The following DGKI variants were observed in gnomAD, a reference collection of about 807,000 sequenced individuals.
DGKI encodes the protein DAG kinase iota.
DGKI carries 55 observed loss-of-function variants against 147.5 expected under a neutral mutation model. The observed-to-expected ratio is 0.37, with a 90% confidence interval of 0.30 to 0.47. DGKI has a LOEUF of 0.47. Among genes scored for constraint, DGKI ranks in the 20% least tolerant of loss-of-function variants. The probability of loss-of-function intolerance (pLI) is 1.00; values close to 1 mark genes in which losing one functional copy is unlikely to be tolerated. For synonymous variants in DGKI, 469 were observed against 477.1 expected (o/e 0.98, Z 0.22); for missense variants, 1,007 against 1,323.8 (o/e 0.76, Z 3.71).
At chr7:137,802,515 A>G (rs1797245036) in intron 1 of DGKI, among the ~76,000 whole-genome samples, 1 of 152,186 alleles carries the variant, frequency 6.6e-6, no homozygotes, top group African/African-American at 2.4e-5. Flanking sequence ...TCTATTTGTG[A>G]CATTATAATT....
chr7:137,538,916 C>T (rs1314536716), intron 20 of DGKI, among the ~76,000 whole-genome samples: 2 of 152,142 alleles, frequency 1.3e-5, no homozygotes, highest in African/African-American at 2.4e-5. Flanking sequence ...CCAGCCTGGA[C>T]TCCAGGCAGC....
intron 1 of DGKI, among the ~76,000 whole-genome samples, chr7:137,707,601 TGCATAGCACC>T (rs1455121503): frequency 1.3e-5 from 2 of 152,142 alleles, no homozygotes; most frequent in African/African-American, 4.8e-5. Context: ...TGTTTAAAAG[TGCATAGCACC>T]TCTCCACCCT....
intron 20 of DGKI, among the ~76,000 whole-genome samples, chr7:137,536,467 C>G (rs78450990): frequency 0.014 from 2,082 of 152,226 alleles, 52 homozygotes; most frequent in African/African-American, 0.047. Flanking sequence ...CCCGGCCCCC[C>G]TGCCCAGTAC....
chr7:137,547,199 G>A (rs1183193117), intron 20 of DGKI, among the ~76,000 whole-genome samples: 1 of 152,142 alleles, frequency 6.6e-6, no homozygotes, highest in Non-Finnish European at 1.5e-5. Flanking sequence ...TACTTTTTGT[G>A]GGGAAGGTAT....
intron 6 of DGKI, among the ~76,000 whole-genome samples, chr7:137,625,491 A>G (rs931083983): frequency 6.6e-6 from 1 of 152,172 alleles, no homozygotes; most frequent in South Asian, 2.1e-4. Flanking sequence ...AATTTAAAAA[A>G]AAATAAAGAA....
chr7:137,655,013 T>C (rs1287924520), intron 4 of DGKI, among the ~76,000 whole-genome samples: 2 of 152,110 alleles, frequency 1.3e-5, no homozygotes, highest in Non-Finnish European at 2.9e-5. Flanking sequence ...TTCTCACAAA[T>C]CAAATCTAAG....
Position 137,465,939 on chromosome 7 carries a change from T to A in DGKI, c.2581A>T (p.Met861Leu), listed in dbSNP as rs1267327289. Residue 861 changes from methionine to leucine, a missense_variant, in exon 26 of 33, where the codon ATG becomes TTG. Physicochemically the swap from Met to Leu is conservative, Grantham distance 15 (BLOSUM62 2). Coordinates refer to ENST00000614521, the MANE Select transcript of DGKI (RefSeq NM_001321708.2). ...VSQPAGTPPG[M>L]PDLVVEQASG... The stretch of plus-strand genomic sequence containing the variant: ...GCTTGTTCCACCACCAGGTCAGGCA[T>A]GCCCGGAGGTGTCCCCGCCGGCTGT... 1.2e-6 allele frequency: 2 copies of A among 1,613,974 alleles called. No homozygotes were observed. Among genetic ancestry groups the A allele is most frequent in the African/African-American group, 2.7e-5 (2 of 74,936 alleles).
rs1374599492 is a variant in DGKI at position 137,381,540 on chromosome 7, A to G, written c.*9680T>C. On this transcript the variant is annotated 3_prime_UTR_variant, in exon 33 of 33. Coordinates refer to ENST00000614521, the MANE Select transcript of DGKI (RefSeq NM_001321708.2). ...CTTTGCGAGTGGAATACCCACAGCC[A>G]AGGGTACCCTGGATGCCTGGGAACG... 6.6e-6 allele frequency: 1 copy of G among 151,616 alleles called. No homozygotes were observed. Among genetic ancestry groups the G allele is most frequent in the Non-Finnish European group, 1.5e-5 (1 of 67,902 alleles). The allele number at this position is 151,616 out of a possible 1,614,324, so 9.4% of individuals were successfully genotyped here. A position where few individuals can be genotyped will look rare whatever the true frequency, so the allele number is the denominator to read the frequency against.
intron 1 of DGKI, among the ~76,000 whole-genome samples, chr7:137,825,672 T>TCA (rs1171484662): frequency 1.4e-4 from 21 of 148,794 alleles, no homozygotes; most frequent in African/African-American, 4.5e-4. Flanking sequence ...ATACACACAC[T>TCA]CACACACACA....
chr7:137,657,862 C>T (rs560034034), intron 3 of DGKI, among the ~76,000 whole-genome samples: 35 of 152,344 alleles, frequency 2.3e-4, no homozygotes, highest in Non-Finnish European at 3.8e-4. Flanking sequence ...AATGCAGCCT[C>T]ATAGGTCTTG....
At chr7:137,638,823 T>C (rs978727839) in intron 6 of DGKI, among the ~76,000 whole-genome samples, 3 of 151,474 alleles carry the variant, frequency 2.0e-5, no homozygotes, top group Non-Finnish European at 4.4e-5. Flanking sequence ...TTCTCAGTTT[T>C]ATATGCCTTA....
intron 28 of DGKI, among the ~76,000 whole-genome samples, chr7:137,425,759 C>G (rs1563011423): frequency 1.3e-5 from 2 of 152,174 alleles, no homozygotes; most frequent in Admixed American, 1.3e-4. Flanking sequence ...AATCCAGAAG[C>G]CTCGGGAGCC....
chr7:137,675,683 CAAA>C lies in DGKI; in HGVS notation c.606+2871_606+2873del, dbSNP rs61282606. Among the ~76,000 whole-genome samples the C allele has an allele frequency of 1.2e-4, 13 of 107,682 alleles. No homozygotes were observed. The South Asian group carries it at 1.4e-3, about 12-fold the overall frequency. 70.6% of individuals were successfully genotyped at this position (107,682 alleles called of 152,430 possible). Reference sequence around the variant, plus strand: ...CTGGGCAGCCGAGCAAGACTACATCCAAAAAAAAAAAAAAAAAAAAAAAATCGG... The same window carrying C: ...CTGGGCAGCCGAGCAAGACTACATCCAAAAAAAAAAAAAAAAAAAAATCGG... On this transcript the variant is annotated intron_variant, in intron 3 of 32. Coordinates refer to ENST00000614521, the MANE Select transcript of DGKI (RefSeq NM_001321708.2).
At chr7:137,491,641 A>C (rs2128938070) in intron 21 of DGKI, among the ~76,000 whole-genome samples, 1 of 152,342 alleles carries the variant, frequency 6.6e-6, no homozygotes, top group South Asian at 2.1e-4. Flanking sequence ...CTTGTACTCC[A>C]AGGAGTATTA....
intron 27 of DGKI, among the ~76,000 whole-genome samples, chr7:137,449,920 G>A (rs1292089570): frequency 6.6e-6 from 1 of 151,892 alleles, no homozygotes; most frequent in African/African-American, 2.4e-5. Flanking sequence ...AAGAAAATGT[G>A]GTATATATAC....
At chr7:137,842,409 A>G (rs1798570731) in intron 1 of DGKI, among the ~76,000 whole-genome samples, 2 of 152,356 alleles carry the variant, frequency 1.3e-5, no homozygotes, top group South Asian at 4.1e-4. Context: ...TAAAGCGTTT[A>G]ATACTCCTTG....
intron 20 of DGKI, among the ~76,000 whole-genome samples, chr7:137,530,014 A>C (rs760361349): frequency 3.4e-4 from 52 of 152,220 alleles, no homozygotes; most frequent in Admixed American, 2.6e-3. Flanking sequence ...GGCCTCCCAA[A>C]GTGCTGGGAT....
At chr7:137,476,737 A>C (rs555726248) in intron 23 of DGKI, among the ~76,000 whole-genome samples, 1 of 152,124 alleles carries the variant, frequency 6.6e-6, no homozygotes, top group Admixed American at 6.5e-5. Context: ...TTCTTCCTGA[A>C]CCTCTTCTCC....
intron 1 of DGKI, among the ~76,000 whole-genome samples, chr7:137,737,509 T>C (rs1795057507): frequency 7.2e-6 from 1 of 139,014 alleles, no homozygotes; most frequent in Non-Finnish European, 1.6e-5. Context: ...CCCTTCGTTT[T>C]ATTAAAAAAA....
Sources: allele counts gnomAD v4.1 joint callset (sites outside exome capture counted in the v4.1 genomes callset), GRCh38; gene constraint gnomAD v4.1.1; transcripts MANE v1.5; gene names NCBI Gene and HGNC (gene_info 2026-07-23, HGNC 2026-07-21).